The following F13A1 variants were observed in gnomAD, a reference collection of about 807,000 sequenced individuals.
F13A1 encodes FSF, A subunit.
F13A1 carries 47 observed loss-of-function variants against 80.1 expected under a neutral mutation model. That is an observed-to-expected ratio of 0.59 (90% CI 0.46 to 0.75). F13A1 has a LOEUF of 0.75. F13A1 is among the 30% of genes least tolerant of loss of function. F13A1 has a pLI of 0.00. For synonymous variants in F13A1, 349 were observed against 344.9 expected (o/e 1.01, Z -0.13); for missense variants, 817 against 930.4 (o/e 0.88, Z 1.59).
At chr6:6,186,845 C>G (rs1259616) in intron 10 of F13A1, among the ~76,000 whole-genome samples, 7 of 150,236 alleles carry the variant, frequency 4.7e-5, no homozygotes, top group Non-Finnish European at 8.9e-5. Flanking sequence ...ATTGATTCTT[C>G]CTACCCATGA....
chr6:6,310,255 T>C (rs12528315), intron 2 of F13A1, among the ~76,000 whole-genome samples: 9,728 of 152,284 alleles, frequency 0.064, 443 homozygotes, highest in South Asian at 0.14. Flanking sequence ...GAGACTTTAA[T>C]ATGCTGATGT....
chr6:6,145,265 AGGCC>A lies in F13A1; in HGVS notation c.*350_*353del. ...GGAATCTGAAGTCTTGTTTTAAATG[AGGCC>A]AGGTATTGAGCAAATCTCCCTGGTA... is the stretch of plus-strand genomic sequence containing the variant. On this transcript the variant is annotated 3_prime_UTR_variant, in exon 15 of 15. Transcript: ENST00000264870. 3.2e-6 allele frequency: 1 copy of A among 309,464 alleles called. No individual in the cohort carries two copies. The highest frequency in any genetic ancestry group is 3.2e-5 in the South Asian group (1 of 31,478). The allele number at this position is 309,464 out of a possible 1,614,324, so 19.2% of individuals were successfully genotyped here. A position where few individuals can be genotyped will look rare whatever the true frequency, so the allele number is the denominator to read the frequency against.
chr6:6,294,598 C>T (rs1457629817), intron 3 of F13A1, among the ~76,000 whole-genome samples: 1 of 149,266 alleles, frequency 6.7e-6, no homozygotes, highest in African/African-American at 2.5e-5. Flanking sequence ...ATATATATAT[C>T]CTATTAGGTC....
At chr6:6,219,234 G>T (rs1266056685) in intron 8 of F13A1, among the ~76,000 whole-genome samples, 1 of 151,806 alleles carries the variant, frequency 6.6e-6, no homozygotes, top group African/African-American at 2.4e-5. Flanking sequence ...GCCATGTGTC[G>T]CCAGTCTACA....
chr6:6,238,409 A>T (rs1175725100), intron 6 of F13A1, among the ~76,000 whole-genome samples: 1 of 152,190 alleles, frequency 6.6e-6, no homozygotes, highest in Non-Finnish European at 1.5e-5. Flanking sequence ...AGCTTCAAAA[A>T]TAAAACATAG....
At position 6,243,021 on chromosome 6, in the gene F13A1, C is replaced by A. The variant is rs1189628469; in HGVS notation, c.798+5291G>T. Among the ~76,000 whole-genome samples the A allele has an allele frequency of 6.6e-6, 1 of 152,170 alleles. No individual in the cohort carries two copies. The highest frequency in any genetic ancestry group is 2.4e-5 in the African/African-American group (1 of 41,434). ...GAAGGCAGAAACTTAATTTTGTTCACAATTGTACTCCAGTGTTCAGACTGG... is the reference window on the plus strand; with the variant it reads ...GAAGGCAGAAACTTAATTTTGTTCAAAATTGTACTCCAGTGTTCAGACTGG... On this transcript the variant is annotated intron_variant, in intron 6 of 14. Coordinates refer to ENST00000264870, the MANE Select transcript of F13A1 (RefSeq NM_000129.4). This position sits in a 1 kb window ranked among gnomAD's most constrained non-coding sequence, Gnocchi z 4.2.
intron 11 of F13A1, among the ~76,000 whole-genome samples, chr6:6,175,836 T>A (rs562240439): frequency 2.0e-5 from 3 of 152,024 alleles, no homozygotes; most frequent in African/African-American, 2.4e-5. Flanking sequence ...GTGGTGGAGA[T>A]GAAGGGAGGA....
At chr6:6,278,574 A>C (rs977562485) in intron 3 of F13A1, among the ~76,000 whole-genome samples, 3 of 151,114 alleles carry the variant, frequency 2.0e-5, no homozygotes, top group Non-Finnish European at 2.9e-5. Context: ...GAATTGTGGG[A>C]GATTAGGTGC....
chr6:6,198,414 A>G (rs952437368), intron 8 of F13A1, among the ~76,000 whole-genome samples: 1 of 152,232 alleles, frequency 6.6e-6, no homozygotes, highest in African/African-American at 2.4e-5. Flanking sequence ...AGATTTAATA[A>G]TGTGGTGAGG....
intron 8 of F13A1, among the ~76,000 whole-genome samples, chr6:6,201,203 A>G (rs73720335): frequency 0.026 from 3,908 of 152,308 alleles, 170 homozygotes; most frequent in African/African-American, 0.086. Context: ...TCAGATCTCA[A>G]GTAAAGACTT....
At chr6:6,164,520 A>AGGAT in intron 13 of F13A1, among the ~76,000 whole-genome samples, 1 of 152,224 alleles carries the variant, frequency 6.6e-6, no homozygotes, top group Admixed American at 6.5e-5. Context: ...GAAGGAAGGA[A>AGGAT]GGAAGGAGAA....
At chr6:6,240,407 C>T (rs910679676) in intron 6 of F13A1, among the ~76,000 whole-genome samples, 13 of 152,052 alleles carry the variant, frequency 8.5e-5, no homozygotes, top group African/African-American at 3.1e-4. Flanking sequence ...TTGAATCAGA[C>T]AGGACATGTA....
At chr6:6,226,159 A>G (rs1757273191) in intron 6 of F13A1, among the ~76,000 whole-genome samples, 1 of 152,206 alleles carries the variant, frequency 6.6e-6, no homozygotes, top group Non-Finnish European at 1.5e-5. Flanking sequence ...AACGTTGATC[A>G]TGTTTAATTA....
At chr6:6,312,470 G>A (rs1270452659) in intron 2 of F13A1, among the ~76,000 whole-genome samples, 4 of 81,866 alleles carry the variant, frequency 4.9e-5, no homozygotes, top group African/African-American at 1.8e-4. Flanking sequence ...AAGAGATGGA[G>A]ACCATCTTGG....
At chr6:6,253,234 C>T (rs1325437597) in intron 4 of F13A1, among the ~76,000 whole-genome samples, 6 of 151,344 alleles carry the variant, frequency 4.0e-5, no homozygotes, top group Non-Finnish European at 7.4e-5. Context: ...AGGACTTGCC[C>T]AAAGGTAAAT....
intron 4 of F13A1, among the ~76,000 whole-genome samples, chr6:6,258,852 G>A (rs1039452628): frequency 6.6e-6 from 1 of 152,066 alleles, no homozygotes; most frequent in Non-Finnish European, 1.5e-5. Flanking sequence ...ACTGTTCTGG[G>A]TGCTAGCCAA....
intron 4 of F13A1, among the ~76,000 whole-genome samples, chr6:6,266,005 C>T (rs1274114947): frequency 1.3e-5 from 2 of 152,166 alleles, no homozygotes; most frequent in Non-Finnish European, 2.9e-5. Flanking sequence ...CAATTAATAG[C>T]TCCACAAATA....
chr6:6,266,530 A>G, intron 4 of F13A1, 28 bp downstream of exon 4: 1 of 1,614,216 alleles, frequency 6.2e-7, no homozygotes, highest in Non-Finnish European at 8.5e-7. Flanking sequence ...GAATTTTTAA[A>G]TGAGAAAACT....
chr6:6,222,910 GT>G (rs1035982392), intron 7 of F13A1, among the ~76,000 whole-genome samples: 11 of 152,068 alleles, frequency 7.2e-5, no homozygotes, highest in African/African-American at 2.7e-4. Context: ...AGATTCAAGG[GT>G]CCCCCTCCTT....
Sources: allele counts gnomAD v4.1 joint callset (sites outside exome capture counted in the v4.1 genomes callset), GRCh38; gene constraint gnomAD v4.1.1; non-coding constraint Gnocchi (gnomAD v3.1); transcripts MANE v1.5; gene names NCBI Gene and HGNC (gene_info 2026-07-23, HGNC 2026-07-21).